The following SCN9A variants were observed in gnomAD, a reference collection of about 807,000 sequenced individuals.
SCN9A encodes the protein sodium voltage-gated channel alpha subunit 9.
A neutral mutation model predicts 187.0 loss-of-function variants in SCN9A; 131 were observed. The ratio of observed to expected loss-of-function variants is 0.70; its 90% CI spans 0.61 to 0.81. The LOEUF (loss-of-function observed/expected upper bound fraction) is 0.81. Among genes scored for constraint, SCN9A ranks in the 30% least tolerant of loss-of-function variants. The probability of loss-of-function intolerance (pLI) is 0.00; values close to 1 mark genes in which losing one functional copy is unlikely to be tolerated. For missense variants in SCN9A, 2,252 were observed against 2,396.6 expected, an observed-to-expected ratio of 0.94 and a Z score of 1.26; for synonymous variants, 809 against 808.6, an observed-to-expected ratio of 1.00 and a Z score of -0.01.
chr2:166,214,506 T>TC (rs1303406189), intron 24 of SCN9A, among the ~76,000 whole-genome samples: 5 of 41,246 alleles, frequency 1.2e-4, no homozygotes, highest in African/African-American at 5.8e-4. Context: ...AATCTTTCTT[T>TC]TTTTTTTTTT....
intron 17 of SCN9A, 30 bp downstream of exon 17, chr2:166,272,369 T>A (rs1271468207): frequency 7.6e-7 from 1 of 1,315,408 alleles, no homozygotes; most frequent in Non-Finnish European, 1.0e-6. Flanking sequence ...ATTGTTAATA[T>A]GAAACACAAA....
At chr2:166,373,455 G>A (rs949453483) in intron 1 of SCN9A, among the ~76,000 whole-genome samples, 1 of 152,004 alleles carries the variant, frequency 6.6e-6, no homozygotes, top group African/African-American at 2.4e-5. Context: ...AGGATTCCAA[G>A]TAAATTATGA....
rs767904709 is a variant in SCN9A, at chr2:166,272,405, G to T, written c.3345C>A (p.Ser1115Arg). 1.4e-5 allele frequency: 22 copies of T among 1,569,422 alleles called. No homozygotes were observed. In the East Asian group the frequency reaches 5.0e-4, roughly 36 times the overall value. ...GTATATGAAGCATTCTTACCACTTT[G>T]CTGTATTCACTATCCGAATCACTGC... The part of the protein sequence containing the change: ...ELSSDSDSEY[S>R]KVRLNRSSSS... The change falls in exon 17 of 27, where the codon AGC becomes AGA. Residue 1115 changes from serine to arginine, a missense_variant. By Grantham distance (110) the Ser-to-Arg change is moderately radical. Around this residue, in one of 7 missense-constraint regions of SCN9A, gnomAD observed 313 missense variants for 295.3 expected, o/e 1.06. Transcript: ENST00000642356.
Position 166,354,833 on chromosome 2 carries a change from G to A in SCN9A, c.-51+20864C>T, listed in dbSNP as rs148765803. Among the ~76,000 whole-genome samples, 30 of 152,098 alleles carry A rather than the reference G, an allele frequency of 2.0e-4. No individual in the cohort carries two copies. The East Asian group carries it at 4.4e-3, about 23-fold the overall frequency. ...AAAGTTGCACATGTGACTAATTTGG[G>A]GTTATTAATATGGTTGAATATAAAT... On this transcript the variant is annotated intron_variant, in intron 1 of 26. Coordinates refer to ENST00000642356, the MANE Select transcript of SCN9A (RefSeq NM_001365536.1).
intron 5 of SCN9A, among the ~76,000 whole-genome samples, chr2:166,305,162 A>G (rs186465363): frequency 6.6e-6 from 1 of 152,204 alleles, no homozygotes; most frequent in Non-Finnish European, 1.5e-5. Context: ...AAAGTCATTA[A>G]CGGAAAATAG....
At chr2:166,283,208 TGCAA>T (rs1697573465) in intron 12 of SCN9A, among the ~76,000 whole-genome samples, 1 of 152,138 alleles carries the variant, frequency 6.6e-6, no homozygotes, top group South Asian at 2.1e-4. Context: ...CAAAACAAAA[TGCAA>T]GCAAAGTTTG....
chr2:166,293,095 C>G, intron 9 of SCN9A, 136 bp downstream of exon 9: 1 of 701,608 alleles, frequency 1.4e-6, no homozygotes, highest in African/African-American at 1.8e-5. Flanking sequence ...GAGTAAAACA[C>G]TTATAATTTT....
In SCN9A at chr2:166,311,638, T is replaced by C; in HGVS notation, c.119A>G (p.Lys40Arg). The C allele has an allele frequency of 1.2e-6, 2 of 1,613,458 alleles. No homozygotes were observed. Among genetic ancestry groups the C allele is most frequent in the South Asian group, 2.2e-5 (2 of 91,060 alleles). Residue 40 changes from lysine (K) to arginine (R), a missense_variant, in exon 2 of 27, where the codon AAA becomes AGA. By Grantham distance (26) the Lys-to-Arg change is conservative (BLOSUM62 2). Coordinates refer to ENST00000642356, the MANE Select transcript of SCN9A (RefSeq NM_001365536.1). ...CTTTGGGGCTTCTTCATCATCATCT[T>C]TCTTTTCTTCTTTGGGTTCCTTTGA... ...RKSKEPKEEK[K>R]DDDEEAPKPS... is the part of the protein sequence containing the mutation.
chr2:166,200,993 G>A (rs934944278), intron 26 of SCN9A, among the ~76,000 whole-genome samples: 2 of 151,904 alleles, frequency 1.3e-5, no homozygotes, highest in Admixed American at 6.6e-5. Flanking sequence ...AAATGACAAC[G>A]AAATAATTTA....
chr2:166,224,299 T>A (rs560125429), intron 24 of SCN9A, among the ~76,000 whole-genome samples: 1 of 152,230 alleles, frequency 6.6e-6, no homozygotes, highest in South Asian at 2.1e-4. Flanking sequence ...AAATGTAAAA[T>A]GGAACATGAA....
intron 1 of SCN9A, among the ~76,000 whole-genome samples, chr2:166,348,996 C>T (rs1184015516): frequency 4.6e-5 from 7 of 151,946 alleles, no homozygotes; most frequent in South Asian, 4.2e-4. Context: ...GGCGTGGTGG[C>T]GCGTGCTTAT....
chr2:166,347,354 A>G (rs945139401), intron 1 of SCN9A, among the ~76,000 whole-genome samples: 2 of 152,214 alleles, frequency 1.3e-5, no homozygotes, highest in Non-Finnish European at 2.9e-5. Flanking sequence ...TACAGATGAA[A>G]ATAATTTCAT....
chr2:166,311,398 T>G, intron 2 of SCN9A, 101 bp downstream of exon 2: 1 of 432,922 alleles, frequency 2.3e-6, no homozygotes, highest in Non-Finnish European at 3.5e-6. Context: ...ATTCTGGTCA[T>G]GATATGGTTA....
Position 166,204,420 on chromosome 2 carries a change from G to A in SCN9A, c.4443C>T (p.Tyr1481=). The A allele has an allele frequency of 6.2e-7, 1 of 1,606,656 alleles. No individual in the cohort carries two copies. Among genetic ancestry groups the A allele is most frequent in the Non-Finnish European group, 8.5e-7 (1 of 1,177,182 alleles). ...DIFMTEEQKK[Y]YNAMKKLGSK... ...ACCCCAGCTTTTTCATTGCATTATAGTATTTCTTCTGTTCTTCTGTCATAA... is the reference window on the plus strand; with the variant it reads ...ACCCCAGCTTTTTCATTGCATTATAATATTTCTTCTGTTCTTCTGTCATAA... Residue 1481 remains tyrosine, a synonymous_variant, in exon 25 of 27, where the codon TAC becomes TAT. Transcript: ENST00000642356.
chr2:166,202,119 T>G (rs761145498), intron 26 of SCN9A, among the ~76,000 whole-genome samples: 42 of 151,866 alleles, frequency 2.8e-4, no homozygotes, highest in Non-Finnish European at 4.7e-4. Flanking sequence ...ATTTCACCTA[T>G]TTTTTGTCTT....
rs527932026 is a variant in SCN9A at position 166,246,658 on chromosome 2, C to T, written c.3473-4002G>A. Among the ~76,000 whole-genome samples, 3 of 152,040 alleles carry T rather than the reference C, an allele frequency of 2.0e-5. No homozygotes were observed. The South Asian group carries it at 6.2e-4, about 32-fold the overall frequency. The stretch of plus-strand genomic sequence containing the variant: ...CACATATAAGAAAGAATTTATCTTT[C>T]TCAGGGGCAAATTATTGGATAAGAA... On this transcript the variant is annotated intron_variant, in intron 18 of 26. Transcript: ENST00000642356.
chr2:166,294,391 G>A (rs543870033), intron 8 of SCN9A, among the ~76,000 whole-genome samples: 34 of 152,130 alleles, frequency 2.2e-4, no homozygotes, highest in African/African-American at 7.5e-4. Flanking sequence ...GTGTTAATTC[G>A]AGCACTGTCT....
chr2:166,230,109 C>T (rs569626429), intron 21 of SCN9A, among the ~76,000 whole-genome samples: 28 of 152,124 alleles, frequency 1.8e-4, no homozygotes, highest in Non-Finnish European at 2.6e-4. Flanking sequence ...GTTATATCTC[C>T]GTTGCAACTA....
At chr2:166,314,824 G>C (rs777864926) in intron 1 of SCN9A, among the ~76,000 whole-genome samples, 2 of 152,188 alleles carry the variant, frequency 1.3e-5, no homozygotes, top group Non-Finnish European at 2.9e-5. Flanking sequence ...TGATGGTTAT[G>C]TGGTTAATGG....
Sources: gnomAD v4.1 joint callset for allele counts (sites outside exome capture counted in the v4.1 genomes callset) on GRCh38, gnomAD v4.1.1 for gene constraint, gnomAD v4.1.1 regional missense constraint, MANE v1.5 for transcripts, NCBI Gene and HGNC (gene_info 2026-07-23, HGNC 2026-07-21) for gene names.